The following BCL7B variants were observed in gnomAD, a reference collection of about 807,000 sequenced individuals.
BCL7B encodes the protein B-cell CLL/lymphoma 7 protein family member B.
BCL7B carries 11 observed loss-of-function variants against 26.5 expected under a neutral mutation model. The observed-to-expected ratio is 0.42, with a 90% CI of 0.26 to 0.69. The LOEUF (loss-of-function observed/expected upper bound fraction) is 0.69. Ranked by LOEUF, BCL7B falls within the 30% of genes least tolerant of loss-of-function variation. BCL7B has a pLI of 0.28. For synonymous variants in BCL7B, 111 were observed against 107.9 expected (o/e 1.03, Z -0.18); for missense variants, 215 against 264.4 (o/e 0.81, Z 1.30).
chr7:73,556,550 T>A (rs527418299), intron 1 of BCL7B, among the ~76,000 whole-genome samples: 182 of 152,332 alleles, frequency 1.2e-3, no homozygotes, highest in Middle Eastern at 3.4e-3. Context: ...GAAAGTTTAA[T>A]GTGATGACTC....
intron 1 of BCL7B, chr7:73,557,224 C>A: frequency 1.9e-6 from 2 of 1,068,680 alleles, no homozygotes; most frequent in Non-Finnish European, 2.3e-6. Context: ...CAGTCCGGGC[C>A]GGAAGCCGGA....
rs76205073 is a variant in BCL7B at position 73,544,612 on chromosome 7, C to T, written c.169-968G>A. ...CTTCATAACAGCCTGGGCGAAAGAG[C>T]GAAACTCCATCTCAAAAAGAAACAA... On this transcript the variant is annotated intron_variant, in intron 2 of 5. Transcript: ENST00000223368. 7.2e-5 allele frequency among the ~76,000 whole-genome samples: 11 copies of T among 151,922 alleles called. No homozygotes were observed. In the East Asian group the frequency reaches 1.5e-3, roughly 21 times the overall value.
In BCL7B at chr7:73,543,597, G is replaced by T; in HGVS notation, c.216C>A (p.Gly72=). ...AATTGGCTGAGGCATCAGAAGGAAA[G>T]CCATTAGGTTCTCGGGCTGCTGAAC... The part of the protein sequence containing the change: ...SNSSAAREPN[G]FPSDASANSS... Residue 72 remains glycine, a synonymous_variant, in exon 3 of 6, where the codon GGC becomes GGA. Coordinates refer to ENST00000223368, the MANE Select transcript of BCL7B (RefSeq NM_001707.4). The T allele has an allele frequency of 6.2e-7, 1 of 1,613,940 alleles. No homozygotes were observed. The highest frequency in any genetic ancestry group is 8.5e-7 in the Non-Finnish European group (1 of 1,179,956).
intron 3 of BCL7B, among the ~76,000 whole-genome samples, chr7:73,542,394 A>G (rs1791801917): frequency 6.6e-6 from 1 of 152,158 alleles, no homozygotes; most frequent in East Asian, 1.9e-4. Flanking sequence ...GTTAGCTCCA[A>G]TCTGGTTTTG....
intron 4 of BCL7B, 57 bp downstream of exon 4, chr7:73,539,825 C>G: frequency 1.3e-6 from 2 of 1,585,908 alleles, no homozygotes; most frequent in Non-Finnish European, 1.7e-6. Context: ...CGAGACACAA[C>G]AAGAGCAGAA....
intron 2 of BCL7B, among the ~76,000 whole-genome samples, chr7:73,544,439 A>AAAATAAATAAAT (rs1158145394): frequency 6.6e-6 from 1 of 151,358 alleles, no homozygotes. Flanking sequence ...AACAAAAAAT[A>AAAATAAATAAAT]AAATAAATAA....
chr7:73,543,485 C>A lies in BCL7B; in HGVS notation c.265+63G>T. The A allele has an allele frequency of 2.7e-6, 4 of 1,493,464 alleles. No homozygotes were observed. In the South Asian group the frequency reaches 4.5e-5, roughly 17 times the overall value. The allele number at this position is 1,493,464 out of a possible 1,614,324, so 92.5% of individuals were successfully genotyped here. A position where few individuals can be genotyped will look rare whatever the true frequency, so the allele number is the denominator to read the frequency against. ...GAGTCACTGCACCTGGCCAATTCTT[C>A]TTATTAATGCATTCATCCAAGTTTT... is the stretch of plus-strand genomic sequence containing the variant. On this transcript the variant is annotated intron_variant, in intron 3 of 5. Transcript: ENST00000223368.
intron 2 of BCL7B, 87 bp from the exon 3 acceptor site, chr7:73,543,731 G>T: frequency 3.7e-6 from 4 of 1,085,786 alleles, no homozygotes; most frequent in Non-Finnish European, 5.6e-6. Context: ...AGACCACAGA[G>T]GTCTGGATTA....
At position 73,557,099 on chromosome 7, in the gene BCL7B, G is replaced by A. The variant is rs892736959; in HGVS notation, c.92+388C>T. 1.5e-5 allele frequency: 15 copies of A among 992,122 alleles called. No individual in the cohort carries two copies. In the Admixed American group the frequency reaches 7.3e-4, roughly 48 times the overall value. The allele number at this position is 992,122 out of a possible 1,614,324, so 61.5% of individuals were successfully genotyped here. A position where few individuals can be genotyped will look rare whatever the true frequency, so the allele number is the denominator to read the frequency against. The stretch of plus-strand genomic sequence containing the variant: ...GCCTGGCGGGCTGACACCACTCCAG[G>A]GCTACTCGCTATTATCAAGAGGAAG... On this transcript the variant is annotated intron_variant, in intron 1 of 5. Coordinates refer to ENST00000223368, the MANE Select transcript of BCL7B (RefSeq NM_001707.4).
rs953106604 is a variant in BCL7B, at chr7:73,555,374, C to T, written c.92+2113G>A. ...CCAAGATCGCACCATTGCACTCCAA[C>T]GTGGGTGACAGAGCAAGACTCTGTC... On this transcript the variant is annotated intron_variant, in intron 1 of 5. Transcript: ENST00000223368. Among the ~76,000 whole-genome samples the T allele has an allele frequency of 3.5e-5, 5 of 144,360 alleles. No homozygotes were observed. The Admixed American group carries it at 3.6e-4, about 10-fold the overall frequency. 94.7% of individuals were successfully genotyped at this position (144,360 alleles called of 152,430 possible).
At chr7:73,543,442 T>C (rs1791844665) in intron 3 of BCL7B, 106 bp downstream of exon 3, 8 of 1,031,582 alleles carry the variant, frequency 7.8e-6, no homozygotes, top group Non-Finnish European at 1.2e-5. Context: ...ACTCCCAAAG[T>C]GCTGAGGTTA....
Position 73,547,917 on chromosome 7 carries a change from A to G in BCL7B, c.168+4250T>C, listed in dbSNP as rs535906413. ...CAAATCACTTGAGGTCAGGAGTTCA[A>G]CACCAGCCTGGCCAACATCATGAAA... On this transcript the variant is annotated intron_variant, in intron 2 of 5. Transcript: ENST00000223368. Among the ~76,000 whole-genome samples the G allele has an allele frequency of 6.6e-5, 10 of 152,268 alleles. No homozygotes were observed. In the South Asian group the frequency reaches 2.1e-3, roughly 32 times the overall value.
At position 73,552,154 on chromosome 7, in the gene BCL7B, C is replaced by A; in HGVS notation, c.168+13G>T. The A allele has an allele frequency of 6.3e-7, 1 of 1,590,908 alleles. No individual in the cohort carries two copies. Among genetic ancestry groups the A allele is most frequent in the Non-Finnish European group, 8.6e-7 (1 of 1,166,162 alleles). ...AAAGAAAATGGTATCTTTTGATTTT[C>A]TTCCACACTTACCTCCTTGCTGTCT... On this transcript the variant is annotated intron_variant, in intron 2 of 5. Transcript: ENST00000223368.
Position 73,539,945 on chromosome 7 carries a change from G to A in BCL7B, c.373C>T (p.His125Tyr), listed in dbSNP as rs1554582626. 1.2e-6 allele frequency: 2 copies of A among 1,614,100 alleles called. No individual in the cohort carries two copies. The highest frequency in any genetic ancestry group is 8.5e-7 in the Non-Finnish European group (1 of 1,180,028). Residue 125 changes from histidine to tyrosine, a missense_variant, in exon 4 of 6, where the codon CAC becomes TAC. Transcript: ENST00000223368. ...PQQSESLSPA[H>Y]TSDFRTDDSQ... The stretch of plus-strand genomic sequence containing the variant: ...TCATCCGTGCGGAAGTCGGAGGTGT[G>A]TGCTGGGCTCAGGGACTCACTCTGC...
chr7:73,543,207 C>T (rs1479690914), intron 3 of BCL7B, among the ~76,000 whole-genome samples: 2 of 150,860 alleles, frequency 1.3e-5, no homozygotes, highest in Non-Finnish European at 2.9e-5. Context: ...GACGGAGTCT[C>T]ACTCTGCAGC....
intron 2 of BCL7B, among the ~76,000 whole-genome samples, chr7:73,545,045 C>A (rs2115771563): frequency 6.6e-6 from 1 of 151,342 alleles, no homozygotes; most frequent in Non-Finnish European, 1.5e-5. Context: ...ACAGTTAGAC[C>A]CTAACTCAAA....
chr7:73,544,097 A>G (rs1323223200), intron 2 of BCL7B, among the ~76,000 whole-genome samples: 1 of 152,154 alleles, frequency 6.6e-6, no homozygotes, highest in African/African-American at 2.4e-5. Flanking sequence ...GGCTGGCTCT[A>G]TTCCTGATCC....
At chr7:73,553,154 C>T (rs148639722) in intron 1 of BCL7B, among the ~76,000 whole-genome samples, 1,889 of 151,860 alleles carry the variant, frequency 0.012, 39 homozygotes, top group African/African-American at 0.043. Flanking sequence ...CTTTGTTGCC[C>T]GCGCTGGTCT....
chr7:73,552,252 A>G lies in BCL7B; in HGVS notation c.93-10T>C. 1 of 1,605,148 alleles carries G rather than the reference A, an allele frequency of 6.2e-7. No homozygotes were observed. On this transcript the variant is annotated splice_polypyrimidine_tract_variant and intron_variant, in intron 1 of 5. Coordinates refer to ENST00000223368, the MANE Select transcript of BCL7B (RefSeq NM_001707.4). ...CACCCACTTCTTCTCCCTAAAAGAA[A>G]GACACTTCTTAGAACGGATAAAACA...
Sources: gnomAD v4.1 joint callset for allele counts (sites outside exome capture counted in the v4.1 genomes callset) on GRCh38, gnomAD v4.1.1 for gene constraint, MANE v1.5 for transcripts, NCBI Gene and HGNC (gene_info 2026-07-23, HGNC 2026-07-21) for gene names.